ADIPOQ: variants seen among roughly 807,000 people sequenced by gnomAD.
ADIPOQ encodes the protein adiponectin.
A neutral mutation model predicts 16.1 loss-of-function variants in ADIPOQ; 19 were observed. The ratio of observed to expected loss-of-function variants is 1.18; its 90% CI spans 0.82 to 1.73. ADIPOQ has a LOEUF of 1.73. ADIPOQ is among the 40% of genes most tolerant of loss of function. The probability of loss-of-function intolerance (pLI) is 0.00; values close to 1 mark genes in which losing one functional copy is unlikely to be tolerated. For missense variants in ADIPOQ, 323 were observed against 308.3 expected (o/e 1.05, Z -0.36); for synonymous variants, 124 against 125.5 (o/e 0.99, Z 0.08).
At chr3:186,850,781 T>C (rs1238133541) in intron 1 of ADIPOQ, among the ~76,000 whole-genome samples, 1 of 152,016 alleles carries the variant, frequency 6.6e-6, no homozygotes, top group Non-Finnish European at 1.5e-5. Flanking sequence ...AGGAATAAAG[T>C]TTTACATAAA....
rs146334862 is a variant in ADIPOQ at position 186,852,966 on chromosome 3, A to T, written c.-8-85A>T. On this transcript the variant is annotated intron_variant, in intron 1 of 2. Transcript: ENST00000320741. ...GCTCCTAGAAGTAGACTCTGCTGAG[A>T]TGGACGGAGTCCTTTGTAGGTCCCA... is the stretch of plus-strand genomic sequence containing the variant. 7 of 1,421,488 alleles carry T rather than the reference A, an allele frequency of 4.9e-6. No homozygotes were observed. The African/African-American group carries it at 8.4e-5, about 17-fold the overall frequency. The allele number at this position is 1,421,488 out of a possible 1,614,324, so 88.1% of individuals were successfully genotyped here.
intron 2 of ADIPOQ, 26 bp downstream of exon 2, chr3:186,853,298 TCACAGACCTCCTA>T (rs1335739685): frequency 5.1e-6 from 8 of 1,560,344 alleles, no homozygotes; most frequent in African/African-American, 2.7e-5. Context: ...GCCTCTTTCA[TCACAGACCTCCTA>T]CACTGATATA....
intron 1 of ADIPOQ, among the ~76,000 whole-genome samples, chr3:186,843,414 A>C (rs902198482): frequency 6.6e-6 from 1 of 152,126 alleles, no homozygotes; most frequent in Non-Finnish European, 1.5e-5. Context: ...AATCCCAGCA[A>C]TTTGGGAGAC....
intron 1 of ADIPOQ, among the ~76,000 whole-genome samples, chr3:186,846,022 T>C (rs1711565948): frequency 6.6e-6 from 1 of 152,192 alleles, no homozygotes; most frequent in South Asian, 2.1e-4. Flanking sequence ...ATCTCCTTAA[T>C]CTGTCAGTTT....
intron 1 of ADIPOQ, among the ~76,000 whole-genome samples, chr3:186,846,739 T>A (rs1323890662): frequency 6.6e-6 from 1 of 152,172 alleles, no homozygotes; most frequent in Non-Finnish European, 1.5e-5. Context: ...ATGATCACAG[T>A]ATGGCCCTTT....
chr3:186,850,860 C>T (rs188736985), intron 1 of ADIPOQ, among the ~76,000 whole-genome samples: 4 of 151,902 alleles, frequency 2.6e-5, no homozygotes, highest in African/African-American at 9.6e-5. Flanking sequence ...TCTTTTCTGT[C>T]ATGTCCAAAG....
chr3:186,857,367 A>T lies in ADIPOQ; in HGVS notation c.*2663A>T, dbSNP rs956235945. The T allele has an allele frequency of 6.6e-6, 1 of 152,208 alleles. No homozygotes were observed. The highest frequency in any genetic ancestry group is 1.5e-5 in the Non-Finnish European group (1 of 68,044). 9.4% of individuals were successfully genotyped at this position (152,208 alleles called of 1,614,324 possible). A position where few individuals can be genotyped will look rare whatever the true frequency, so the allele number is the denominator to read the frequency against. The stretch of plus-strand genomic sequence containing the variant: ...GGAGAGTGGATGATAGATGCAAAAT[A>T]ATACCTGTCCACAACAAACTCTTAA... On this transcript the variant is annotated 3_prime_UTR_variant, in exon 3 of 3. Coordinates refer to ENST00000320741, the MANE Select transcript of ADIPOQ (RefSeq NM_004797.4).
intron 2 of ADIPOQ, 55 bp downstream of exon 2, chr3:186,853,327 T>C: frequency 6.5e-7 from 1 of 1,533,860 alleles, no homozygotes; most frequent in Non-Finnish European, 8.8e-7. Flanking sequence ...ATATAAACTA[T>C]ATGAAGGCAT....
At chr3:186,850,918 T>C (rs1459531336) in intron 1 of ADIPOQ, among the ~76,000 whole-genome samples, 1 of 151,916 alleles carries the variant, frequency 6.6e-6, no homozygotes, top group African/African-American at 2.4e-5. Flanking sequence ...AATATATACA[T>C]ATAGTTTATA....
In ADIPOQ at chr3:186,854,239, TC is replaced by T; in HGVS notation, c.274del (p.Arg92GlufsTer77). 3 of 1,613,516 alleles carry T rather than the reference TC, an allele frequency of 1.9e-6. No individual in the cohort carries two copies. The highest frequency in any genetic ancestry group is 2.5e-6 in the Non-Finnish European group (3 of 1,179,568). On this transcript the variant is annotated frameshift_variant, in exon 3 of 3. Transcript: ENST00000320741. LOFTEE classifies it high-confidence loss of function. Reference sequence around the variant, plus strand: ...AAACCGGAGTACCCGGGGCTGAAGGTCCCCGAGGCTTTCCGGGAATCCAAGG... The same window carrying T: ...AAACCGGAGTACCCGGGGCTGAAGGTCCCGAGGCTTTCCGGGAATCCAAGG... Reference protein sequence around the residue: ...GETGVPGAEGPRGFPGIQGRK... With the variant: ...GETGVPGAEGXRGFPGIQGRK...
rs970158898 is a variant in ADIPOQ at position 186,851,575 on chromosome 3, A to G, written c.-8-1476A>G. Among the ~76,000 whole-genome samples, 3 of 152,158 alleles carry G rather than the reference A, an allele frequency of 2.0e-5. No homozygotes were observed. The East Asian group carries it at 5.8e-4, about 29-fold the overall frequency. ...GCTCTTTGCTAGGGCTCCAGAATAC[A>G]TATTTCAAATACATTCCCCCTCCCT... On this transcript the variant is annotated intron_variant, in intron 1 of 2. Coordinates refer to ENST00000320741, the MANE Select transcript of ADIPOQ (RefSeq NM_004797.4).
In ADIPOQ at chr3:186,854,317, T is replaced by C. The variant is rs780475428; in HGVS notation, c.348T>C (p.Ser116=). The C allele has an allele frequency of 6.2e-7, 1 of 1,614,192 alleles. No homozygotes were observed. Among genetic ancestry groups the C allele is most frequent in the Admixed American group, 1.7e-5 (1 of 60,026 alleles). Reference sequence around the variant, plus strand: ...CCTATGTATACCGCTCAGCATTCAGTGTGGGATTGGAGACTTACGTTACTA... The same window carrying C: ...CCTATGTATACCGCTCAGCATTCAGCGTGGGATTGGAGACTTACGTTACTA... ...EGAYVYRSAF[S]VGLETYVTIP... The change falls in exon 3 of 3, where the codon AGT becomes AGC. Residue 116 remains serine, a synonymous_variant. Coordinates refer to ENST00000320741, the MANE Select transcript of ADIPOQ (RefSeq NM_004797.4).
At chr3:186,843,631 A>G (rs1711507230) in intron 1 of ADIPOQ, among the ~76,000 whole-genome samples, 1 of 145,974 alleles carries the variant, frequency 6.9e-6, no homozygotes, top group African/African-American at 2.5e-5. Flanking sequence ...ACTGCATTCC[A>G]GCCTGGGTGA....
Position 186,853,082 on chromosome 3 carries a change from ACTG to A in ADIPOQ, c.27_29del (p.Leu11del). The stretch of plus-strand genomic sequence containing the variant: ...GGATGCTGTTGCTGGGAGCTGTTCT[ACTG>A]CTATTAGCTCTGCCCGGTCATGACC... On this transcript the variant is annotated inframe_deletion, in exon 2 of 3. Transcript: ENST00000320741. 6.2e-7 allele frequency: 1 copy of A among 1,612,312 alleles called. No individual in the cohort carries two copies. Among genetic ancestry groups the A allele is most frequent in the South Asian group, 1.1e-5 (1 of 90,264 alleles).
At chr3:186,848,535 C>T (rs942540583) in intron 1 of ADIPOQ, among the ~76,000 whole-genome samples, 3 of 152,170 alleles carry the variant, frequency 2.0e-5, no homozygotes, top group Non-Finnish European at 2.9e-5. Context: ...GCTTCTCAGA[C>T]TCAGCTTCCT....
chr3:186,848,188 AG>A (rs1205845446), intron 1 of ADIPOQ, among the ~76,000 whole-genome samples: 5,576 of 16,404 alleles, frequency 0.34, 585 homozygotes, highest in African/African-American at 0.55. Context: ...CAAAAAAAAA[AG>A]AGAGAGAGAA....
chr3:186,852,233 T>C (rs1333401366), intron 1 of ADIPOQ: 5 of 152,334 alleles, frequency 3.3e-5, no homozygotes, highest in African/African-American at 1.2e-4. Flanking sequence ...ACCAGGGCAC[T>C]GGAGAAACAC....
Position 186,855,314 on chromosome 3 carries a change from C to T in ADIPOQ, c.*610C>T, listed in dbSNP as rs1457933342. The stretch of plus-strand genomic sequence containing the variant: ...TCTTGGAAGGACTACTACTCAATGG[C>T]CCCTGCACTACTCTACTTCCTCTTA... On this transcript the variant is annotated 3_prime_UTR_variant, in exon 3 of 3. Coordinates refer to ENST00000320741, the MANE Select transcript of ADIPOQ (RefSeq NM_004797.4). 6.2e-6 allele frequency: 1 copy of T among 160,386 alleles called. No homozygotes were observed. Among genetic ancestry groups the T allele is most frequent in the Non-Finnish European group, 1.4e-5 (1 of 73,028 alleles). The allele number at this position is 160,386 out of a possible 1,614,324, so 9.9% of individuals were successfully genotyped here.
At chr3:186,850,763 CAAAAT>C (rs780595790) in intron 1 of ADIPOQ, among the ~76,000 whole-genome samples, 144 of 151,802 alleles carry the variant, frequency 9.5e-4, no homozygotes, top group Non-Finnish European at 1.5e-3. Context: ...ATGCCAAAGA[CAAAAT>C]AAAGGAATAA....
Sources: allele counts gnomAD v4.1 joint callset (sites outside exome capture counted in the v4.1 genomes callset), GRCh38; gene constraint gnomAD v4.1.1; transcripts MANE v1.5; gene names NCBI Gene and HGNC (gene_info 2026-07-23, HGNC 2026-07-21).